ALK: variants seen among roughly 807,000 people sequenced by gnomAD.
The protein encoded by ALK is ALK tyrosine kinase receptor.
Under a neutral mutation model 163.1 loss-of-function variants are expected in ALK, and 74 were observed. The ratio of observed to expected loss-of-function variants is 0.45; its 90% CI spans 0.38 to 0.55. The LOEUF (loss-of-function observed/expected upper bound fraction) is 0.55, where lower values mean the gene tolerates loss of function less well. Ranked by LOEUF, ALK falls within the 20% of genes least tolerant of loss-of-function variation. ALK has a pLI of 0.00. For synonymous variants in ALK, 960 were observed against 843.2 expected, an observed-to-expected ratio of 1.14 and a Z score of -2.40; for missense variants, 2,063 against 2,105.3, an observed-to-expected ratio of 0.98 and a Z score of 0.39.
chr2:29,901,248 G>A (rs911339040), intron 1 of ALK, among the ~76,000 whole-genome samples: 3 of 152,156 alleles, frequency 2.0e-5, no homozygotes, highest in Admixed American at 6.5e-5. Flanking sequence ...TCTGTAAAGT[G>A]CCTGGCATGT....
intron 1 of ALK, among the ~76,000 whole-genome samples, chr2:29,900,039 C>A (rs988439288): frequency 6.6e-6 from 1 of 152,196 alleles, no homozygotes; most frequent in East Asian, 1.9e-4. Context: ...CTTCATTGAC[C>A]TAAAATCCTC....
chr2:29,200,850 G>GTATATATATGTGTGTATATATAT (rs1558609069), intron 26 of ALK, among the ~76,000 whole-genome samples: 2 of 140,756 alleles, frequency 1.4e-5, no homozygotes, highest in East Asian at 2.0e-4. Flanking sequence ...TGTGTATATA[G>GTATATATATGTGTGTATATATAT]ATACGTATAT....
In ALK at chr2:29,776,355, T is replaced by C. The variant is rs542674929; in HGVS notation, c.668-58658A>G. ...TCAATTTAAAAGTAAAAAACAGCAA[T>C]GGTAAACCCCCTCCTCATTCCTTCC... On this transcript the variant is annotated intron_variant, in intron 1 of 28. Transcript: ENST00000389048. Among the ~76,000 whole-genome samples, 10 of 28,912 alleles carry C rather than the reference T, an allele frequency of 3.5e-4. No individual in the cohort carries two copies. In the South Asian group the frequency reaches 0.017, roughly 50 times the overall value. 19.0% of individuals were successfully genotyped at this position (28,912 alleles called of 152,430 possible).
At chr2:29,547,239 G>A (rs973340944) in intron 3 of ALK, among the ~76,000 whole-genome samples, 7 of 152,160 alleles carry the variant, frequency 4.6e-5, no homozygotes, top group Non-Finnish European at 1.0e-4. Context: ...TTTAATTTAG[G>A]TTATCCTTCC....
intron 1 of ALK, among the ~76,000 whole-genome samples, chr2:29,891,168 C>T (rs1410789453): frequency 6.6e-6 from 1 of 152,152 alleles, no homozygotes; most frequent in Non-Finnish European, 1.5e-5. Context: ...AAAAGAGGGG[C>T]CTTCCTGCCC....
At position 29,232,417 on chromosome 2, in the gene ALK, A is replaced by G. The variant is rs774200047; in HGVS notation, c.2519T>C (p.Ile840Thr). The change falls in exon 15 of 29, where the codon ATT becomes ACT. Residue 840 changes from isoleucine to threonine, a missense_variant. Ile to Thr is a moderately conservative substitution (Grantham distance 89). This residue lies in a region of ALK where 575 missense variants were observed against 626.6 expected (regional missense o/e 0.92). Transcript: ENST00000389048. Reference protein sequence around the residue: ...MKDGVPVPLIIAAGGGGRAYG... With the variant: ...MKDGVPVPLITAAGGGGRAYG... ...GGCCCTGCCACCACCTCCGGCTGCA[A>G]TGATCAGGGGCACCGGCACTCCATC... 15 of 1,614,066 alleles carry G rather than the reference A, an allele frequency of 9.3e-6. No individual in the cohort carries two copies. Among genetic ancestry groups the G allele is most frequent in the Non-Finnish European group, 1.2e-5 (14 of 1,179,988 alleles).
chr2:29,367,460 C>A (rs1668534011), intron 5 of ALK, among the ~76,000 whole-genome samples: 1 of 152,124 alleles, frequency 6.6e-6, no homozygotes, highest in Non-Finnish European at 1.5e-5. Context: ...TCCTTTAGAT[C>A]CTTTCCAGAT....
intron 4 of ALK, among the ~76,000 whole-genome samples, chr2:29,477,736 G>A (rs139097163): frequency 6.6e-6 from 1 of 152,284 alleles, no homozygotes; most frequent in Non-Finnish European, 1.5e-5. Flanking sequence ...GGGAACTGGA[G>A]GCTCTGTGTG....
chr2:29,789,897 A>G (rs1664145025), intron 1 of ALK, among the ~76,000 whole-genome samples: 1 of 152,172 alleles, frequency 6.6e-6, no homozygotes, highest in South Asian at 2.1e-4. Context: ...TCCAGGCCTC[A>G]GTTTCCTGTT....
At chr2:29,767,740 C>G (rs1680902815) in intron 1 of ALK, among the ~76,000 whole-genome samples, 1 of 152,184 alleles carries the variant, frequency 6.6e-6, no homozygotes, top group Non-Finnish European at 1.5e-5. Flanking sequence ...ATGAAATGCC[C>G]AGTTTCTCCC....
At chr2:29,724,867 G>A (rs1679525389) in intron 1 of ALK, among the ~76,000 whole-genome samples, 1 of 152,076 alleles carries the variant, frequency 6.6e-6, no homozygotes, top group Admixed American at 6.5e-5. Context: ...ATCCCATCCT[G>A]CCAGAGAAGT....
At chr2:29,836,920 G>C (rs945040713) in intron 1 of ALK, among the ~76,000 whole-genome samples, 24 of 152,156 alleles carry the variant, frequency 1.6e-4, no homozygotes, top group African/African-American at 5.6e-4. Context: ...AACTGGTACA[G>C]AGCTATGTGT....
intron 3 of ALK, among the ~76,000 whole-genome samples, chr2:29,600,981 A>G (rs1325674401): frequency 2.6e-5 from 4 of 152,226 alleles, no homozygotes; most frequent in Non-Finnish European, 1.5e-5. Flanking sequence ...TGGGTCACCA[A>G]CTACACTGGG....
rs111417249 is a variant in ALK, at chr2:29,710,088, A to G, written c.787+7490T>C. On this transcript the variant is annotated intron_variant, in intron 2 of 28. Transcript: ENST00000389048. ...GTCTTCCGCATGTTGTTCTCATGATAGTGAATAGTCTCATGAGATCTGATA... is the reference window on the plus strand; with the variant it reads ...GTCTTCCGCATGTTGTTCTCATGATGGTGAATAGTCTCATGAGATCTGATA... Among the ~76,000 whole-genome samples the G allele has an allele frequency of 4.9e-3, 751 of 152,308 alleles. 4 individuals carry two copies. Among genetic ancestry groups the G allele is most frequent in the South Asian group, 0.011 (52 of 4,826 alleles).
chr2:29,485,195 A>T (rs187076425), intron 4 of ALK, among the ~76,000 whole-genome samples: 18 of 152,270 alleles, frequency 1.2e-4, no homozygotes, highest in African/African-American at 4.3e-4. Flanking sequence ...CCATGTCTCT[A>T]AACCACTTTT....
chr2:29,199,126 G>A (rs966929048), intron 26 of ALK, among the ~76,000 whole-genome samples: 1 of 151,496 alleles, frequency 6.6e-6, no homozygotes, highest in Non-Finnish European at 1.5e-5. Flanking sequence ...GCTAATTTTT[G>A]TATTTTTAGT....
At chr2:29,377,287 C>T (rs186725335) in intron 5 of ALK, among the ~76,000 whole-genome samples, 23 of 152,056 alleles carry the variant, frequency 1.5e-4, no homozygotes, top group African/African-American at 5.5e-4. Context: ...CCAGCCTGAC[C>T]AACATGGTGA....
chr2:29,827,558 C>G (rs4665482), intron 1 of ALK, among the ~76,000 whole-genome samples: 72,054 of 151,978 alleles, frequency 0.47, 17,698 homozygotes, highest in East Asian at 0.75. Context: ...CAAAGGCAGT[C>G]TCAGGGTATT....
At chr2:29,230,708 G>C (rs1664174621) in intron 15 of ALK, among the ~76,000 whole-genome samples, 1 of 152,168 alleles carries the variant, frequency 6.6e-6, no homozygotes, top group Non-Finnish European at 1.5e-5. Flanking sequence ...GAAACCTCCA[G>C]GGGTGGGTGT....
Sources: allele counts gnomAD v4.1 joint callset (sites outside exome capture counted in the v4.1 genomes callset), GRCh38; gene constraint gnomAD v4.1.1; regional missense constraint gnomAD v4.1.1; transcripts MANE v1.5; gene names NCBI Gene and HGNC (gene_info 2026-07-23, HGNC 2026-07-21).